Variants in SGCZ observed in about 807,000 individuals in gnomAD.
SGCZ encodes zeta-sarcoglycan.
A neutral mutation model predicts 41.3 loss-of-function variants in SGCZ; 40 were observed. That is an observed-to-expected ratio of 0.97 (90% confidence interval 0.75 to 1.26). The LOEUF is 1.26. SGCZ is among the 50% of genes most tolerant of loss of function. SGCZ has a pLI of 0.00. For synonymous variants in SGCZ, 206 were observed against 137.5 expected, an observed-to-expected ratio of 1.50 and a Z score of -3.49; for missense variants, 552 against 369.8, an observed-to-expected ratio of 1.49 and a Z score of -4.04.
intron 2 of SGCZ, among the ~76,000 whole-genome samples, chr8:14,417,346 A>T (rs2117294792): frequency 6.6e-6 from 1 of 152,000 alleles, no homozygotes; most frequent in African/African-American, 2.4e-5. Flanking sequence ...TAAATTGTTC[A>T]AGTATGAATT....
chr8:15,080,347 A>C (rs768482155), intron 1 of SGCZ, among the ~76,000 whole-genome samples: 4 of 151,966 alleles, frequency 2.6e-5, no homozygotes, highest in Non-Finnish European at 5.9e-5. Context: ...GACCTAACCT[A>C]CATGCACTCA....
At chr8:14,686,729 A>G (rs1310735573) in intron 1 of SGCZ, among the ~76,000 whole-genome samples, 1 of 152,090 alleles carries the variant, frequency 6.6e-6, no homozygotes, top group Non-Finnish European at 1.5e-5. Flanking sequence ...AGGTTGGAAT[A>G]GTGACCTATA....
At chr8:14,834,668 T>C (rs565760247) in intron 1 of SGCZ, among the ~76,000 whole-genome samples, 4 of 152,320 alleles carry the variant, frequency 2.6e-5, no homozygotes, top group Non-Finnish European at 5.9e-5. Context: ...TCATTTCTGC[T>C]CAAATTTTGC....
At chr8:14,917,248 G>T (rs544932056) in intron 1 of SGCZ, among the ~76,000 whole-genome samples, 1 of 152,000 alleles carries the variant, frequency 6.6e-6, no homozygotes, top group Non-Finnish European at 1.5e-5. Context: ...GTGTTCTATG[G>T]ACAATAATAA....
At chr8:14,687,859 G>C (rs1808666832) in intron 1 of SGCZ, among the ~76,000 whole-genome samples, 3 of 152,060 alleles carry the variant, frequency 2.0e-5, no homozygotes, top group Admixed American at 6.6e-5. Context: ...AGCACCTGTT[G>C]TTTCCTGACT....
chr8:14,841,588 A>T (rs749848699), intron 1 of SGCZ, among the ~76,000 whole-genome samples: 42 of 152,290 alleles, frequency 2.8e-4, no homozygotes, highest in Middle Eastern at 3.4e-3. Context: ...ATACCAGATG[A>T]GTAATTTATT....
intron 3 of SGCZ, among the ~76,000 whole-genome samples, chr8:14,258,926 T>C (rs1054189968): frequency 4.6e-5 from 7 of 152,184 alleles, no homozygotes; most frequent in African/African-American, 7.2e-5. Context: ...TTATGTAGCA[T>C]ACAGGCAAAG....
intron 1 of SGCZ, among the ~76,000 whole-genome samples, chr8:15,048,116 G>C (rs1804378420): frequency 6.6e-6 from 1 of 152,108 alleles, no homozygotes; most frequent in African/African-American, 2.4e-5. Context: ...TGAAGAAAAT[G>C]TGGCATATAA....
intron 4 of SGCZ, among the ~76,000 whole-genome samples, chr8:14,187,568 C>A (rs569515286): frequency 6.6e-6 from 1 of 151,092 alleles, no homozygotes; most frequent in Admixed American, 6.6e-5. Context: ...GAGAAATATA[C>A]TGATTGAAAA....
At chr8:14,623,270 A>C (rs1288240483) in intron 1 of SGCZ, among the ~76,000 whole-genome samples, 1 of 152,242 alleles carries the variant, frequency 6.6e-6, no homozygotes, top group Non-Finnish European at 1.5e-5. Flanking sequence ...AGTAGCAGGA[A>C]AGCAACATTC....
intron 1 of SGCZ, among the ~76,000 whole-genome samples, chr8:15,029,421 T>C (rs1803576696): frequency 6.6e-6 from 1 of 152,122 alleles, no homozygotes; most frequent in Non-Finnish European, 1.5e-5. Context: ...TGTGTGTGCA[T>C]GTTCATGCAT....
At chr8:15,015,833 A>G (rs1007295549) in intron 1 of SGCZ, among the ~76,000 whole-genome samples, 2 of 150,154 alleles carry the variant, frequency 1.3e-5, no homozygotes. Context: ...CTTCTAGCCA[A>G]TTTATTAAAA....
intron 2 of SGCZ, among the ~76,000 whole-genome samples, chr8:14,386,398 C>T (rs1172565457): frequency 1.3e-5 from 2 of 151,412 alleles, no homozygotes; most frequent in Admixed American, 6.6e-5. Context: ...TATTTTAATC[C>T]AAAAAGCTCT....
intron 1 of SGCZ, among the ~76,000 whole-genome samples, chr8:15,154,971 C>A (rs72607338): frequency 0.21 from 31,419 of 151,980 alleles, 3,902 homozygotes; most frequent in East Asian, 0.54. Flanking sequence ...TGAGAAGAGC[C>A]GATTTTGAAT....
At chr8:15,156,340 G>T (rs1173335538) in intron 1 of SGCZ, among the ~76,000 whole-genome samples, 1 of 152,046 alleles carries the variant, frequency 6.6e-6, no homozygotes, top group Non-Finnish European at 1.5e-5. Context: ...TGTCATTTAG[G>T]GTAGAAATAA....
chr8:14,823,294 G>A (rs1450439582), intron 1 of SGCZ, among the ~76,000 whole-genome samples: 2 of 151,632 alleles, frequency 1.3e-5, no homozygotes, highest in Non-Finnish European at 2.9e-5. Flanking sequence ...GTGATGAGAC[G>A]ACATACAAAA....
chr8:14,150,785 A>G (rs961584516), intron 5 of SGCZ, among the ~76,000 whole-genome samples: 4 of 152,198 alleles, frequency 2.6e-5, no homozygotes, highest in African/African-American at 9.6e-5. Flanking sequence ...GTGTCCATCA[A>G]CAGATGAATG....
At chr8:14,875,081 T>G (rs979041276) in intron 1 of SGCZ, among the ~76,000 whole-genome samples, 1 of 152,122 alleles carries the variant, frequency 6.6e-6, no homozygotes, top group Non-Finnish European at 1.5e-5. Flanking sequence ...TTATAAACAA[T>G]GGAAATTTAT....
chr8:14,359,825 A>C (rs1050227811), intron 2 of SGCZ, among the ~76,000 whole-genome samples: 5 of 152,046 alleles, frequency 3.3e-5, no homozygotes, highest in Non-Finnish European at 5.9e-5. Context: ...GAAAAAAAAA[A>C]AAAACAAATA....
Sources: allele counts gnomAD v4.1 joint callset (sites outside exome capture counted in the v4.1 genomes callset), GRCh38; gene constraint gnomAD v4.1.1; transcripts MANE v1.5; gene names NCBI Gene and HGNC (gene_info 2026-07-23, HGNC 2026-07-21).